The following AKAP8L variants were observed in gnomAD, a reference collection of about 807,000 sequenced individuals.
The protein encoded by AKAP8L is A-kinase anchor protein 8-like.
A neutral mutation model predicts 77.5 loss-of-function variants in AKAP8L; 34 were observed. That is an observed-to-expected ratio of 0.44 (90% CI 0.33 to 0.58). The LOEUF (loss-of-function observed/expected upper bound fraction) is 0.58. Among genes scored for constraint, AKAP8L ranks in the 20% least tolerant of loss-of-function variants. The pLI, the probability that AKAP8L is intolerant of heterozygous loss-of-function variation, is 0.02. For missense variants in AKAP8L, 806 were observed against 887.6 expected, an observed-to-expected ratio of 0.91 and a Z score of 1.17; for synonymous variants, 342 against 340.7, an observed-to-expected ratio of 1.00 and a Z score of -0.04.
intron 1 of AKAP8L, 130 bp downstream of exon 1, chr19:15,418,781 G>T (rs1426031242): frequency 9.1e-6 from 8 of 876,362 alleles, no homozygotes; most frequent in Non-Finnish European, 1.4e-5. Context: ...ACGGGCCAGC[G>T]GCGCCATTTT....
intron 12 of AKAP8L, among the ~76,000 whole-genome samples, chr19:15,391,576 G>A (rs542353734): frequency 1.4e-4 from 7 of 50,804 alleles, no homozygotes; most frequent in Non-Finnish European, 1.1e-4. Context: ...ATCTCGCTGT[G>A]TCTCCCAGGC....
chr19:15,389,427 G>GTT (rs753518417), intron 12 of AKAP8L, among the ~76,000 whole-genome samples: 1 of 152,004 alleles, frequency 6.6e-6, no homozygotes, highest in South Asian at 2.1e-4. Context: ...AATACTTGAA[G>GTT]AAACAATGGC....
chr19:15,405,953 T>C lies in AKAP8L; in HGVS notation c.89-1911A>G, dbSNP rs189338240. 2.1e-3 allele frequency among the ~76,000 whole-genome samples: 314 copies of C among 148,160 alleles called. 1 individual carries two copies. The highest frequency in any genetic ancestry group is 7.3e-3 in the African/African-American group (294 of 40,130). ...AAAAAGAAAGAAAAGAAAAAGAAAA[T>C]AGGATATGGAGGCAAAAGCAGATCC... On this transcript the variant is annotated intron_variant, in intron 2 of 13. Coordinates refer to ENST00000397410, the MANE Select transcript of AKAP8L (RefSeq NM_014371.4).
intron 12 of AKAP8L, among the ~76,000 whole-genome samples, chr19:15,389,235 G>GAAAAAAAAAA (rs1285680371): frequency 1.2e-5 from 1 of 83,862 alleles, no homozygotes; most frequent in Non-Finnish European, 2.5e-5. Flanking sequence ...AAAAAAAAAA[G>GAAAAAAAAAA]AAAAAAAAAA....
Position 15,403,471 on chromosome 19 carries a change from T to C in AKAP8L, c.362+4A>G, listed in dbSNP as rs1291375729. 6.2e-7 allele frequency: 1 copy of C among 1,613,742 alleles called. No individual in the cohort carries two copies. Among genetic ancestry groups the C allele is most frequent in the Admixed American group, 1.7e-5 (1 of 60,006 alleles). ...TCTCAACCCCTAGGCAGGTGTCCAC[T>C]CACCTTTCTCCACCTGAGCCGTACA... On this transcript the variant is annotated splice_donor_region_variant and intron_variant, in intron 4 of 13. Coordinates refer to ENST00000397410, the MANE Select transcript of AKAP8L (RefSeq NM_014371.4). The surrounding 1 kb of genome is among the most constrained non-coding windows in gnomAD (Gnocchi z 4.3).
Position 15,418,982 on chromosome 19 carries a change from C to G in AKAP8L, c.-59G>C. 4 of 1,600,784 alleles carry G rather than the reference C, an allele frequency of 2.5e-6. No individual in the cohort carries two copies. Among genetic ancestry groups the G allele is most frequent in the South Asian group, 1.1e-5 (1 of 90,744 alleles). ...CTTCTGCTGCTCTGAACATCCGACGCTGCGATAGCTGCTGCTAACCACAGG... is the reference window on the plus strand; with the variant it reads ...CTTCTGCTGCTCTGAACATCCGACGGTGCGATAGCTGCTGCTAACCACAGG... On this transcript the variant is annotated 5_prime_UTR_variant, in exon 1 of 14. Transcript: ENST00000397410.
At chr19:15,418,014 A>C (rs1968239996) in intron 1 of AKAP8L, among the ~76,000 whole-genome samples, 1 of 152,154 alleles carries the variant, frequency 6.6e-6, no homozygotes, top group African/African-American at 2.4e-5. Context: ...ATCTTCTAAC[A>C]AGCCAGGCAG....
chr19:15,393,038 T>C (rs1418730163), intron 12 of AKAP8L, among the ~76,000 whole-genome samples: 3 of 152,126 alleles, frequency 2.0e-5, no homozygotes, highest in Non-Finnish European at 4.4e-5. Flanking sequence ...TTAATAGCTA[T>C]GGTCAACTGA....
At position 15,380,192 on chromosome 19, in the gene AKAP8L, T is replaced by C; in HGVS notation, c.1871A>G (p.Gln624Arg). The C allele has an allele frequency of 6.6e-7, 1 of 1,507,404 alleles. No homozygotes were observed. Among genetic ancestry groups the C allele is most frequent in the Non-Finnish European group, 8.8e-7 (1 of 1,136,600 alleles). The allele number at this position is 1,507,404 out of a possible 1,614,324, so 93.4% of individuals were successfully genotyped here. A position where few individuals can be genotyped will look rare whatever the true frequency, so the allele number is the denominator to read the frequency against. Reference protein sequence around the residue: ...GAVPLLGGALQRQIRGIPGLD... With the variant: ...GAVPLLGGALRRQIRGIPGLD... ...GCCCGGGATGCCGCGGATCTGGCGT[T>C]GCAGCGCCCCTCCCAGCAAGGGCAC... is the stretch of plus-strand genomic sequence containing the variant. Residue 624 changes from glutamine (Q) to arginine (R), a missense_variant, in exon 14 of 14, where the codon CAA (glutamine) becomes CGA (arginine). Around this residue, in one of 2 missense-constraint regions of AKAP8L, gnomAD observed 226 missense variants for 193.5 expected, o/e 1.17. Transcript: ENST00000397410.
At chr19:15,381,369 A>C (rs962925666) in intron 12 of AKAP8L, among the ~76,000 whole-genome samples, 1 of 152,230 alleles carries the variant, frequency 6.6e-6, no homozygotes, top group Admixed American at 6.5e-5. Flanking sequence ...CTGCACTGGC[A>C]TAAGAAAGGT....
Position 15,401,454 on chromosome 19 carries a change from C to T in AKAP8L, c.512G>A (p.Arg171His), listed in dbSNP as rs763535621. The T allele has an allele frequency of 1.3e-5, 21 of 1,613,598 alleles. No individual in the cohort carries two copies. Among genetic ancestry groups the T allele is most frequent in the Admixed American group, 3.3e-5 (2 of 59,996 alleles). ...CCTGGGACCGAAGGTGTCGTTGCCACGCATGCGGAACTGGTCGCGGTAGGC... is the reference window on the plus strand; with the variant it reads ...CCTGGGACCGAAGGTGTCGTTGCCATGCATGCGGAACTGGTCGCGGTAGGC... Reference protein sequence around the residue: ...YDAYRDQFRMRGNDTFGPRAQ... With the variant: ...YDAYRDQFRMHGNDTFGPRAQ... Residue 171 changes from arginine to histidine, a missense_variant, in exon 5 of 14, where the codon CGT becomes CAT. By Grantham distance (29) the Arg-to-His change is conservative. Coordinates refer to ENST00000397410, the MANE Select transcript of AKAP8L (RefSeq NM_014371.4). This position sits in a 1 kb window ranked among gnomAD's most constrained non-coding sequence, Gnocchi z 6.2.
intron 12 of AKAP8L, among the ~76,000 whole-genome samples, chr19:15,393,827 C>G (rs572081152): frequency 6.6e-6 from 1 of 150,956 alleles, no homozygotes; most frequent in East Asian, 2.0e-4. Context: ...TGCTTGGACC[C>G]GGGAGGCAGA....
chr19:15,406,363 GA>G (rs1332202717), intron 2 of AKAP8L, among the ~76,000 whole-genome samples: 18 of 11,850 alleles, frequency 1.5e-3, no homozygotes, highest in South Asian at 9.0e-3. Flanking sequence ...AAATTTTAAG[GA>G]GAGAGAGAGA....
chr19:15,414,982 CT>C (rs1968177689), intron 1 of AKAP8L, among the ~76,000 whole-genome samples: 1 of 152,082 alleles, frequency 6.6e-6, no homozygotes, highest in Non-Finnish European at 1.5e-5. Flanking sequence ...TTTTCTTTTT[CT>C]TTTTTTGTTT....
chr19:15,381,459 ATGG>A (rs1035831327), intron 12 of AKAP8L, among the ~76,000 whole-genome samples: 52 of 152,192 alleles, frequency 3.4e-4, no homozygotes, highest in African/African-American at 1.2e-3. Context: ...GGGCCATCTC[ATGG>A]TGGGAGTACA....
rs981255922 is a variant in AKAP8L, at chr19:15,401,316, C to T, written c.650G>A (p.Arg217Gln). 2.5e-6 allele frequency: 4 copies of T among 1,613,422 alleles called. No homozygotes were observed. The highest frequency in any genetic ancestry group is 2.7e-5 in the African/African-American group (2 of 74,938). ...ARGQCMSGAS[R>Q]LPSLFSQNII... ...GTTCTGGGAGAAGAGGGAGGGCAGC[C>T]GAGAGGCACCAGACATGCACTGGCC... The change falls in exon 5 of 14, where the codon CGG becomes CAG. Residue 217 changes from arginine (R) to glutamine (Q), a missense_variant. Arg to Gln is a conservative substitution (Grantham distance 43). Around this residue, in one of 2 missense-constraint regions of AKAP8L, gnomAD observed 580 missense variants for 694.1 expected, o/e 0.84. Coordinates refer to ENST00000397410, the MANE Select transcript of AKAP8L (RefSeq NM_014371.4). This position sits in a 1 kb window ranked among gnomAD's most constrained non-coding sequence, Gnocchi z 6.2.
intron 12 of AKAP8L, among the ~76,000 whole-genome samples, chr19:15,388,981 G>A (rs1180895054): frequency 3.3e-5 from 5 of 150,858 alleles, no homozygotes; most frequent in African/African-American, 7.3e-5. Flanking sequence ...TAGGGAGGCC[G>A]AGGCAGGCGG....
chr19:15,403,376 G>A lies in AKAP8L; in HGVS notation c.362+99C>T. The A allele has an allele frequency of 4.3e-6, 5 of 1,160,422 alleles. No homozygotes were observed. The highest frequency in any genetic ancestry group is 1.3e-5 in the South Asian group (1 of 74,460). 71.9% of individuals were successfully genotyped at this position (1,160,422 alleles called of 1,614,324 possible). A position where few individuals can be genotyped will look rare whatever the true frequency, so the allele number is the denominator to read the frequency against. On this transcript the variant is annotated intron_variant, in intron 4 of 13. Transcript: ENST00000397410. The surrounding 1 kb of genome is among the most constrained non-coding windows in gnomAD (Gnocchi z 4.3). ...CACAGCAGCACCAAGCAGCGGGGAG[G>A]AAGCAGACACAGAGGGGCACTCAGA...
chr19:15,387,189 G>C (rs138755394), intron 12 of AKAP8L, among the ~76,000 whole-genome samples: 1 of 152,338 alleles, frequency 6.6e-6, no homozygotes, highest in Admixed American at 6.5e-5. Flanking sequence ...GGAGGCTACA[G>C]CCTACTGTAC....
Sources: allele counts gnomAD v4.1 joint callset (sites outside exome capture counted in the v4.1 genomes callset), GRCh38; gene constraint gnomAD v4.1.1; regional missense constraint gnomAD v4.1.1; non-coding constraint Gnocchi (gnomAD v3.1); transcripts MANE v1.5; gene names NCBI Gene and HGNC (gene_info 2026-07-23, HGNC 2026-07-21).